Variants in RSU1 observed in about 807,000 individuals in gnomAD.
RSU1 encodes the protein rsu-1.
In RSU1, 26 loss-of-function variants were observed where a neutral mutation model predicts 31.1. The ratio of observed to expected loss-of-function variants is 0.84; its 90% CI spans 0.61 to 1.16. The LOEUF (loss-of-function observed/expected upper bound fraction) is 1.16, where lower values mean the gene tolerates loss of function less well. RSU1 is among the 50% of genes most tolerant of loss of function. The pLI is 0.00. For missense variants in RSU1, 320 were observed against 339.1 expected, an observed-to-expected ratio of 0.94 and a Z score of 0.44; for synonymous variants, 164 against 136.3, an observed-to-expected ratio of 1.20 and a Z score of -1.41.
chr10:16,804,173 C>A (rs147939369), intron 2 of RSU1, among the ~76,000 whole-genome samples: 135 of 152,274 alleles, frequency 8.9e-4, no homozygotes, highest in Middle Eastern at 3.4e-3. Flanking sequence ...GAATGGACAT[C>A]TCACCAAAGA....
intron 8 of RSU1, among the ~76,000 whole-genome samples, chr10:16,678,700 G>A (rs547845991): frequency 6.6e-6 from 1 of 152,166 alleles, no homozygotes; most frequent in East Asian, 1.9e-4. Context: ...TGTGAAAATA[G>A]GACATTCAAT....
At chr10:16,598,659 G>A (rs1217515413) in intron 8 of RSU1, among the ~76,000 whole-genome samples, 2 of 152,206 alleles carry the variant, frequency 1.3e-5, no homozygotes, top group Non-Finnish European at 2.9e-5. Flanking sequence ...AGGAACACAG[G>A]TGGTCTGTGT....
chr10:16,716,575 C>A (rs1836145146), intron 7 of RSU1, among the ~76,000 whole-genome samples: 1 of 152,138 alleles, frequency 6.6e-6, no homozygotes, highest in Admixed American at 6.5e-5. Context: ...CAAAAGACCA[C>A]ACTCATCAGG....
intron 4 of RSU1, among the ~76,000 whole-genome samples, chr10:16,759,436 G>A (rs1837162547): frequency 6.6e-6 from 1 of 152,180 alleles, no homozygotes; most frequent in South Asian, 2.1e-4. Flanking sequence ...GAGCCCAGGA[G>A]GCATAGGTTG....
intron 2 of RSU1, among the ~76,000 whole-genome samples, chr10:16,813,095 C>T (rs3858182): frequency 0.19 from 28,617 of 151,752 alleles, 2,967 homozygotes; most frequent in African/African-American, 0.28. Flanking sequence ...CCGCAGCCTC[C>T]CTGAAAGCTG....
At chr10:16,753,847 T>G (rs1423466628) in intron 5 of RSU1, among the ~76,000 whole-genome samples, 5 of 152,070 alleles carry the variant, frequency 3.3e-5, no homozygotes, top group African/African-American at 9.7e-5. Flanking sequence ...AGCCTCAAAC[T>G]CCTGGCCTCA....
rs1833496609 is a variant in RSU1 at position 16,591,026 on chromosome 10, C to T, written c.*2368G>A. On this transcript the variant is annotated 3_prime_UTR_variant, in exon 9 of 9. Transcript: ENST00000345264. ...TCCCGGGTTCAATCAATTCTCCTGCCTCAGCCTCCTGAGCAGCTGGGACTA... is the reference window on the plus strand; with the variant it reads ...TCCCGGGTTCAATCAATTCTCCTGCTTCAGCCTCCTGAGCAGCTGGGACTA... 1.3e-5 allele frequency: 2 copies of T among 152,188 alleles called. No homozygotes were observed. Among genetic ancestry groups the T allele is most frequent in the African/African-American group, 2.4e-5 (1 of 41,420 alleles). The allele number at this position is 152,188 out of a possible 1,614,324, so 9.4% of individuals were successfully genotyped here.
chr10:16,782,461 A>G (rs113365709), intron 2 of RSU1, among the ~76,000 whole-genome samples: 4 of 152,216 alleles, frequency 2.6e-5, no homozygotes, highest in African/African-American at 9.7e-5. Context: ...CAGGGGCCTT[A>G]CCTTGTGCTA....
intron 2 of RSU1, among the ~76,000 whole-genome samples, chr10:16,794,202 A>G (rs1837981339): frequency 6.6e-6 from 1 of 152,180 alleles, no homozygotes; most frequent in Non-Finnish European, 1.5e-5. Context: ...CAGACAGCAC[A>G]TCATGTGACT....
rs569360031 is a variant in RSU1 at position 16,591,256 on chromosome 10, A to C, written c.*2138T>G. 29 of 152,256 alleles carry C rather than the reference A, an allele frequency of 1.9e-4. No individual in the cohort carries two copies. Among genetic ancestry groups the C allele is most frequent in the African/African-American group, 6.5e-4 (27 of 41,556 alleles). The allele number at this position is 152,256 out of a possible 1,614,324, so 9.4% of individuals were successfully genotyped here. ...TGTCATAAAAGCCTCATGCAGACAC[A>C]CCGTAATTCATTGAACCCCTTTTCC... On this transcript the variant is annotated 3_prime_UTR_variant, in exon 9 of 9. Coordinates refer to ENST00000345264, the MANE Select transcript of RSU1 (RefSeq NM_012425.4).
At chr10:16,629,080 G>C (rs965574064) in intron 8 of RSU1, among the ~76,000 whole-genome samples, 1 of 152,110 alleles carries the variant, frequency 6.6e-6, no homozygotes, top group Non-Finnish European at 1.5e-5. Context: ...CTGTGTTCCT[G>C]TGTCTATCAG....
intron 8 of RSU1, among the ~76,000 whole-genome samples, chr10:16,616,491 G>A (rs1833979959): frequency 6.6e-6 from 1 of 151,764 alleles, no homozygotes; most frequent in Non-Finnish European, 1.5e-5. Flanking sequence ...AGAAAAAGAG[G>A]GACTCCTCCT....
chr10:16,686,500 T>C (rs181929623), intron 8 of RSU1, among the ~76,000 whole-genome samples: 2 of 152,330 alleles, frequency 1.3e-5, no homozygotes, highest in Admixed American at 1.3e-4. Context: ...TTGAAGAGAA[T>C]GTAACCTGAC....
intron 8 of RSU1, among the ~76,000 whole-genome samples, chr10:16,629,392 T>C (rs2131488807): frequency 6.6e-6 from 1 of 152,264 alleles, no homozygotes; most frequent in African/African-American, 2.4e-5. Flanking sequence ...TGCAGCTTCC[T>C]TTCTGCAGAA....
intron 7 of RSU1, among the ~76,000 whole-genome samples, chr10:16,715,960 C>T (rs959017013): frequency 3.3e-5 from 5 of 152,200 alleles, no homozygotes; most frequent in African/African-American, 9.6e-5. Flanking sequence ...TATAGGCAAG[C>T]ATTTCCCTAT....
intron 8 of RSU1, among the ~76,000 whole-genome samples, chr10:16,657,969 A>G (rs1834819769): frequency 1.3e-5 from 2 of 151,658 alleles, no homozygotes; most frequent in Admixed American, 1.3e-4. Context: ...CAGCCTGGGG[A>G]ACAGAGCGAG....
chr10:16,660,120 C>T (rs184368172), intron 8 of RSU1, among the ~76,000 whole-genome samples: 2 of 152,316 alleles, frequency 1.3e-5, no homozygotes, highest in Admixed American at 1.3e-4. Context: ...TAAGGTAATA[C>T]TGTCTACTAC....
chr10:16,642,575 C>T lies in RSU1; in HGVS notation c.732-49079G>A, dbSNP rs145787671. On this transcript the variant is annotated intron_variant, in intron 8 of 8. Coordinates refer to ENST00000345264, the MANE Select transcript of RSU1 (RefSeq NM_012425.4). ...CATGTCTTTTAATATGGTAGGTAAA[C>T]AAAGAAACATCATGCTTGGCGTTAT... Among the ~76,000 whole-genome samples, 294 of 152,196 alleles carry T rather than the reference C, an allele frequency of 1.9e-3. 1 individual carries two copies. The highest frequency in any genetic ancestry group is 6.8e-3 in the African/African-American group (282 of 41,536).
chr10:16,806,904 C>T (rs1838282320), intron 2 of RSU1, among the ~76,000 whole-genome samples: 1 of 152,176 alleles, frequency 6.6e-6, no homozygotes, highest in Non-Finnish European at 1.5e-5. Flanking sequence ...CAGGCATGTA[C>T]CACCACACCC....
Sources: allele counts gnomAD v4.1 joint callset (sites outside exome capture counted in the v4.1 genomes callset), GRCh38; gene constraint gnomAD v4.1.1; transcripts MANE v1.5; gene names NCBI Gene and HGNC (gene_info 2026-07-23, HGNC 2026-07-21).